ANAPC4: variants seen among roughly 807,000 people sequenced by gnomAD.
ANAPC4 encodes anaphase-promoting complex subunit 4.
ANAPC4 carries 63 observed loss-of-function variants against 119.8 expected under a neutral mutation model. The observed-to-expected ratio is 0.53, with a 90% CI of 0.43 to 0.65. The LOEUF (loss-of-function observed/expected upper bound fraction) is 0.65, where lower values mean the gene tolerates loss of function less well. ANAPC4 is among the 30% of genes least tolerant of loss of function. The pLI, the probability that ANAPC4 is intolerant of heterozygous loss-of-function variation, is 0.00. For synonymous variants in ANAPC4, 283 were observed against 318.6 expected, an observed-to-expected ratio of 0.89 and a Z score of 1.19; for missense variants, 716 against 945.1, an observed-to-expected ratio of 0.76 and a Z score of 3.18.
chr4:25,418,221 G>C lies in ANAPC4; in HGVS notation c.2266G>C (p.Glu756Gln). ...MDIDDEWELDESSDEEEEASN... is the reference protein window; with the variant it reads ...MDIDDEWELDQSSDEEEEASN... Reference sequence around the variant, plus strand: ...CATAGATGATGAATGGGAGCTCGATGAGTCTTCAGATGAAGAGGAGGAGGC... The same window carrying C: ...CATAGATGATGAATGGGAGCTCGATCAGTCTTCAGATGAAGAGGAGGAGGC... The change falls in exon 29 of 29, where the codon GAG (glutamate) becomes CAG (glutamine). Residue 756 changes from glutamate (E) to glutamine (Q), a missense_variant. By Grantham distance (29) the Glu-to-Gln change is conservative. This residue lies in a region of ANAPC4 where 504 missense variants were observed against 615.8 expected (regional missense o/e 0.82). Coordinates refer to ENST00000315368, the MANE Select transcript of ANAPC4 (RefSeq NM_013367.3). 2 of 1,614,060 alleles carry C rather than the reference G, an allele frequency of 1.2e-6. No individual in the cohort carries two copies. The highest frequency in any genetic ancestry group is 1.7e-6 in the Non-Finnish European group (2 of 1,179,962).
At chr4:25,390,676 C>G (rs560066335) in intron 8 of ANAPC4, among the ~76,000 whole-genome samples, 4 of 152,270 alleles carry the variant, frequency 2.6e-5, no homozygotes, top group African/African-American at 9.6e-5. Flanking sequence ...TATGTTGGTT[C>G]TGCAGCACTT....
At chr4:25,394,219 G>A (rs1365936853) in intron 11 of ANAPC4, 91 bp from the exon 12 acceptor site, 3 of 1,055,232 alleles carry the variant, frequency 2.8e-6, no homozygotes, top group Non-Finnish European at 4.1e-6. Flanking sequence ...TCTAAGGCAA[G>A]GAAAGGGAGT....
Position 25,415,453 on chromosome 4 carries a change from T to C in ANAPC4, c.1827-13T>C, listed in dbSNP as rs1239026928. On this transcript the variant is annotated splice_polypyrimidine_tract_variant and intron_variant, in intron 25 of 28. Transcript: ENST00000315368. ...TCCACAGAGTCTCTTTTTTTCCCCC[T>C]TCTTTCTTGAAGATCTGTGAGTAAT... 6.3e-7 allele frequency: 1 copy of C among 1,592,102 alleles called. No individual in the cohort carries two copies. Among genetic ancestry groups the C allele is most frequent in the South Asian group, 1.1e-5 (1 of 89,760 alleles).
chr4:25,377,599 C>CG, intron 2 of ANAPC4, 43 bp downstream of exon 2: 2 of 1,538,444 alleles, frequency 1.3e-6, no homozygotes, highest in Non-Finnish European at 1.7e-6. Context: ...GGTCTGCTCC[C>CG]GGGGGGCCCA....
At chr4:25,388,465 G>C in intron 4 of ANAPC4, 35 bp from the exon 5 acceptor site, 1 of 1,367,964 alleles carries the variant, frequency 7.3e-7, no homozygotes, top group Non-Finnish European at 1.0e-6. Flanking sequence ...AAAATCTTTG[G>C]TGTTTTTATA....
chr4:25,403,635 G>T (rs2109134137), intron 17 of ANAPC4, among the ~76,000 whole-genome samples: 1 of 152,286 alleles, frequency 6.6e-6, no homozygotes, highest in South Asian at 2.1e-4. Flanking sequence ...GTCCACTGTG[G>T]TAGCCACTAG....
intron 3 of ANAPC4, 39 bp from the exon 4 acceptor site, chr4:25,383,222 G>T (rs1721842137): frequency 6.6e-7 from 1 of 1,522,776 alleles, no homozygotes; most frequent in Non-Finnish European, 8.8e-7. Context: ...TTTCTCAATT[G>T]TTACACTAAT....
At chr4:25,393,192 A>G (rs1722450521) in intron 10 of ANAPC4, among the ~76,000 whole-genome samples, 1 of 152,224 alleles carries the variant, frequency 6.6e-6, no homozygotes, top group Admixed American at 6.5e-5. Flanking sequence ...TGACCAAACC[A>G]GTATTTTGAC....
At chr4:25,390,387 T>C (rs1019772734) in intron 8 of ANAPC4, among the ~76,000 whole-genome samples, 167 bp downstream of exon 8, 46 of 152,206 alleles carry the variant, frequency 3.0e-4, no homozygotes, top group African/African-American at 1.1e-3. Context: ...AATTGTGATA[T>C]GTCTATAAAG....
At chr4:25,406,629 C>T (rs1384256823) in intron 18 of ANAPC4, among the ~76,000 whole-genome samples, 200 bp from the exon 19 acceptor site, 1 of 152,180 alleles carries the variant, frequency 6.6e-6, no homozygotes, top group Non-Finnish European at 1.5e-5. Flanking sequence ...GATGAGTTCA[C>T]ATGTTTAATT....
chr4:25,379,333 T>G (rs1353965770), intron 2 of ANAPC4, among the ~76,000 whole-genome samples: 1 of 152,156 alleles, frequency 6.6e-6, no homozygotes, highest in Non-Finnish European at 1.5e-5. Context: ...TATCCAGATC[T>G]TTAAGGAATG....
chr4:25,393,719 G>C, intron 10 of ANAPC4, 86 bp from the exon 11 acceptor site: 1 of 674,102 alleles, frequency 1.5e-6, no homozygotes, highest in East Asian at 3.1e-5. Flanking sequence ...ATTTCTTTGA[G>C]ACACTTGATC....
At chr4:25,385,615 A>G (rs1369178731) in intron 4 of ANAPC4, among the ~76,000 whole-genome samples, 1 of 152,246 alleles carries the variant, frequency 6.6e-6, no homozygotes, top group Admixed American at 6.5e-5. Context: ...TTACTGGAGT[A>G]GCACTTTTAA....
chr4:25,415,540 G>A lies in ANAPC4; in HGVS notation c.1901G>A (p.Ser634Asn), dbSNP rs1170538986. The A allele has an allele frequency of 1.9e-6, 3 of 1,611,600 alleles. No homozygotes were observed. Among genetic ancestry groups the A allele is most frequent in the Non-Finnish European group, 1.7e-6 (2 of 1,178,476 alleles). The change falls in exon 26 of 29, where the codon AGC (serine) becomes AAC (asparagine). Residue 634 changes from serine (S) to asparagine (N), a missense_variant and splice_region_variant. This residue lies in a region of ANAPC4 where 504 missense variants were observed against 615.8 expected (regional missense o/e 0.82). Coordinates refer to ENST00000315368, the MANE Select transcript of ANAPC4 (RefSeq NM_013367.3). Reference protein sequence around the residue: ...TYATTEKVRRSIYSCLDAQFY... With the variant: ...TYATTEKVRRNIYSCLDAQFY... ...GCCACAACAGAAAAAGTCAGAAGAAGGTAAGTCTTGAATCTTGTTTGGATG... is the reference window on the plus strand; with the variant it reads ...GCCACAACAGAAAAAGTCAGAAGAAAGTAAGTCTTGAATCTTGTTTGGATG...
Position 25,392,047 on chromosome 4 carries a change from T to A in ANAPC4, c.706-291T>A, listed in dbSNP as rs1005402860. Among the ~76,000 whole-genome samples the A allele has an allele frequency of 5.3e-5, 8 of 152,262 alleles. No homozygotes were observed. In the East Asian group the frequency reaches 1.3e-3, roughly 26 times the overall value. ...ATTCCTTATACTTCCTTTAAGTTTTTACATATATTTGTGATTTAAACATTT... is the reference window on the plus strand; with the variant it reads ...ATTCCTTATACTTCCTTTAAGTTTTAACATATATTTGTGATTTAAACATTT... On this transcript the variant is annotated intron_variant, in intron 9 of 28. Transcript: ENST00000315368.
chr4:25,382,515 G>A (rs1004366831), intron 3 of ANAPC4, among the ~76,000 whole-genome samples: 26 of 152,180 alleles, frequency 1.7e-4, no homozygotes, highest in African/African-American at 6.0e-4. Flanking sequence ...AAAAGTGTGC[G>A]TTAAAATGTT....
intron 4 of ANAPC4, among the ~76,000 whole-genome samples, chr4:25,386,338 G>A (rs1197926965): frequency 6.6e-6 from 1 of 151,964 alleles, no homozygotes; most frequent in Non-Finnish European, 1.5e-5. Flanking sequence ...TCAGCCTCCC[G>A]AGAAACTGGA....
chr4:25,392,265 C>A, intron 9 of ANAPC4, 73 bp from the exon 10 acceptor site: 1 of 1,053,184 alleles, frequency 9.5e-7, no homozygotes, highest in Non-Finnish European at 1.5e-6. Flanking sequence ...CGTAGTTTGA[C>A]CCACACTCTA....
intron 6 of ANAPC4, 21 bp from the exon 7 acceptor site, chr4:25,388,817 C>G: frequency 6.2e-7 from 1 of 1,603,044 alleles, no homozygotes. Flanking sequence ...AAAGATGACC[C>G]AATTTACTTC....
Sources: allele counts gnomAD v4.1 joint callset (sites outside exome capture counted in the v4.1 genomes callset), GRCh38; gene constraint gnomAD v4.1.1; regional missense constraint gnomAD v4.1.1; transcripts MANE v1.5; gene names NCBI Gene and HGNC (gene_info 2026-07-23, HGNC 2026-07-21).